Variants in CCDC148 observed in about 807,000 individuals in gnomAD.
CCDC148 encodes coiled-coil domain-containing protein 148.
CCDC148 carries 89 observed loss-of-function variants against 85.7 expected under a neutral mutation model. That is an observed-to-expected ratio of 1.04 (90% confidence interval 0.87 to 1.24). The LOEUF (loss-of-function observed/expected upper bound fraction) is 1.24. CCDC148 is among the 50% of genes most tolerant of loss of function. The pLI is 0.00. For missense variants in CCDC148, 692 were observed against 671.7 expected, an observed-to-expected ratio of 1.03 and a Z score of -0.33; for synonymous variants, 230 against 213.9, an observed-to-expected ratio of 1.08 and a Z score of -0.66.
At chr2:158,177,524 C>T (rs1684651538) in intron 12 of CCDC148, among the ~76,000 whole-genome samples, 2 of 152,054 alleles carry the variant, frequency 1.3e-5, no homozygotes, top group South Asian at 4.1e-4. Context: ...ACAGCTATTT[C>T]CTCTTTCAAA....
chr2:158,309,369 C>G, intron 9 of CCDC148, 64 bp downstream of exon 9: 1 of 1,394,844 alleles, frequency 7.2e-7, no homozygotes, highest in Non-Finnish European at 9.9e-7. Context: ...TGAGTTTGAA[C>G]AAAAGGGAAA....
At chr2:158,418,659 C>G (rs1359696192) in intron 1 of CCDC148, among the ~76,000 whole-genome samples, 1 of 51,974 alleles carries the variant, frequency 1.9e-5, no homozygotes, top group African/African-American at 3.5e-5. Flanking sequence ...CAATCCCCAA[C>G]TGTTTTTTTT....
Position 158,310,519 on chromosome 2 carries a change from C to T in CCDC148, c.904-880G>A, listed in dbSNP as rs561291472. ...GACGGCTGGGCAGAGGGGCCCCCCACCCCCCAGACGGGGCCGCCAGGTAGA... is the reference window on the plus strand; with the variant it reads ...GACGGCTGGGCAGAGGGGCCCCCCATCCCCCAGACGGGGCCGCCAGGTAGA... On this transcript the variant is annotated intron_variant, in intron 8 of 13. Coordinates refer to ENST00000283233, the MANE Select transcript of CCDC148 (RefSeq NM_138803.4). Among the ~76,000 whole-genome samples the T allele has an allele frequency of 5.1e-4, 78 of 151,824 alleles. 2 individuals carry two copies. In the South Asian group the frequency reaches 9.2e-3, roughly 18 times the overall value.
At chr2:158,274,133 T>C (rs558371885) in intron 9 of CCDC148, among the ~76,000 whole-genome samples, 1 of 152,294 alleles carries the variant, frequency 6.6e-6, no homozygotes, top group African/African-American at 2.4e-5. Flanking sequence ...AGCTTCTGAA[T>C]ACAAATGAAG....
In CCDC148 at chr2:158,425,143, G is replaced by A. The variant is rs1411181438; in HGVS notation, c.25+31272C>T. On this transcript the variant is annotated intron_variant, in intron 1 of 13. Coordinates refer to ENST00000283233, the MANE Select transcript of CCDC148 (RefSeq NM_138803.4). ...GGGAATTACAATAGTGCCTATGGTG[G>A]TGATCAAAACTGTAGTGGCTATGGC... 7.9e-6 allele frequency: 4 copies of A among 507,976 alleles called. No individual in the cohort carries two copies. The East Asian group carries it at 2.2e-4, about 28-fold the overall frequency. 31.5% of individuals were successfully genotyped at this position (507,976 alleles called of 1,614,324 possible).
intron 1 of CCDC148, among the ~76,000 whole-genome samples, chr2:158,395,221 C>T (rs1685473324): frequency 6.6e-6 from 1 of 152,080 alleles, no homozygotes; most frequent in Non-Finnish European, 1.5e-5. Flanking sequence ...AATTAACAAA[C>T]TTCTGTGCCC....
intron 1 of CCDC148, among the ~76,000 whole-genome samples, chr2:158,449,564 T>C (rs1371190716): frequency 1.3e-5 from 2 of 151,992 alleles, no homozygotes; most frequent in Non-Finnish European, 2.9e-5. Context: ...TCTCCCTGCC[T>C]CAGCCTTTCG....
intron 7 of CCDC148, among the ~76,000 whole-genome samples, chr2:158,319,306 AT>A (rs1450765873): frequency 2.0e-5 from 3 of 152,118 alleles, no homozygotes; most frequent in Non-Finnish European, 4.4e-5. Flanking sequence ...ATCTGGATTG[AT>A]TTTCAGCTAT....
intron 7 of CCDC148, among the ~76,000 whole-genome samples, chr2:158,322,286 G>A (rs904180507): frequency 1.3e-5 from 2 of 151,962 alleles, no homozygotes; most frequent in South Asian, 4.2e-4. Flanking sequence ...AAATGTATGT[G>A]ATACAGTCAT....
rs1313237260 is a variant in CCDC148 at position 158,333,808 on chromosome 2, C to G, written c.764+4918G>C. Among the ~76,000 whole-genome samples, 4 of 152,118 alleles carry G rather than the reference C, an allele frequency of 2.6e-5. No homozygotes were observed. In the East Asian group the frequency reaches 5.8e-4, roughly 22 times the overall value. On this transcript the variant is annotated intron_variant, in intron 7 of 13. Transcript: ENST00000283233. Reference sequence around the variant, plus strand: ...TTCTGTGGATCTGCTTGGCTATTCTCTGGTCATATCACACAATCTTGATTA... The same window carrying G: ...TTCTGTGGATCTGCTTGGCTATTCTGTGGTCATATCACACAATCTTGATTA...
At position 158,178,913 on chromosome 2, in the gene CCDC148, T is replaced by C; in HGVS notation, c.1454A>G (p.Glu485Gly). ...VALQEAHEDK[E>G]RARRLEALRK... ...AAGGGCTTCTAGCCGCCGTGCTCTCTCTTTGTCTTCATGAGCTTCTTGAAG... is the reference window on the plus strand; with the variant it reads ...AAGGGCTTCTAGCCGCCGTGCTCTCCCTTTGTCTTCATGAGCTTCTTGAAG... Residue 485 changes from glutamate (E) to glycine (G), a missense_variant, in exon 12 of 14, where the codon GAG becomes GGG. Physicochemically the swap from Glu to Gly is moderately conservative, Grantham distance 98 (BLOSUM62 -2). Transcript: ENST00000283233. 6.2e-7 allele frequency: 1 copy of C among 1,613,614 alleles called. No individual in the cohort carries two copies. Among genetic ancestry groups the C allele is most frequent in the Non-Finnish European group, 8.5e-7 (1 of 1,179,734 alleles).
chr2:158,252,415 C>G (rs1291085608), intron 9 of CCDC148, among the ~76,000 whole-genome samples: 1 of 151,636 alleles, frequency 6.6e-6, no homozygotes, highest in African/African-American at 2.4e-5. Context: ...CTGTCCTGAC[C>G]TGCTTTCAAA....
chr2:158,206,662 T>C (rs2105287673), intron 11 of CCDC148, among the ~76,000 whole-genome samples: 2 of 152,340 alleles, frequency 1.3e-5, no homozygotes, highest in Middle Eastern at 3.4e-3. Flanking sequence ...TATGGATTAA[T>C]AACATTTTGT....
intron 1 of CCDC148, among the ~76,000 whole-genome samples, chr2:158,420,373 A>G (rs937587087): frequency 6.6e-5 from 10 of 152,354 alleles, no homozygotes; most frequent in South Asian, 4.1e-4. Flanking sequence ...AGCCCATCAG[A>G]CTAACAGCAG....
chr2:158,450,827 G>GT (rs1688376182), intron 1 of CCDC148, among the ~76,000 whole-genome samples: 1 of 152,076 alleles, frequency 6.6e-6, no homozygotes, highest in Non-Finnish European at 1.5e-5. Flanking sequence ...TCTTTGATGT[G>GT]TGGATTAAGA....
chr2:158,246,704 C>T (rs1688585233), intron 10 of CCDC148, among the ~76,000 whole-genome samples: 1 of 152,066 alleles, frequency 6.6e-6, no homozygotes, highest in African/African-American at 2.4e-5. Context: ...TAGGACTTGT[C>T]CAGATACAAA....
chr2:158,387,880 G>T (rs1685155923), intron 1 of CCDC148, among the ~76,000 whole-genome samples: 1 of 152,172 alleles, frequency 6.6e-6, no homozygotes, highest in Non-Finnish European at 1.5e-5. Flanking sequence ...CTCTGACCCA[G>T]TGAAGGTCAG....
intron 9 of CCDC148, among the ~76,000 whole-genome samples, chr2:158,298,280 T>C (rs1161228553): frequency 1.3e-5 from 2 of 152,166 alleles, no homozygotes; most frequent in African/African-American, 4.8e-5. Flanking sequence ...AGCCAAACCG[T>C]ATCACCATTG....
At chr2:158,362,848 C>CA (rs1439061229) in intron 1 of CCDC148, among the ~76,000 whole-genome samples, 7 of 151,834 alleles carry the variant, frequency 4.6e-5, no homozygotes, top group African/African-American at 9.7e-5. Context: ...GATAGAGACA[C>CA]AAAAAACCCT....
Sources: allele counts gnomAD v4.1 joint callset (sites outside exome capture counted in the v4.1 genomes callset), GRCh38; gene constraint gnomAD v4.1.1; transcripts MANE v1.5; gene names NCBI Gene and HGNC (gene_info 2026-07-23, HGNC 2026-07-21).